The following RBM5 variants were observed in gnomAD, a reference collection of about 807,000 sequenced individuals.
RBM5 encodes the protein RNA-binding protein 5.
In RBM5, 15 loss-of-function variants were observed where a neutral mutation model predicts 124.6. The ratio of observed to expected loss-of-function variants is 0.12; its 90% CI spans 0.08 to 0.19. The LOEUF is 0.19. Ranked by LOEUF, RBM5 falls within the 10% of genes least tolerant of loss-of-function variation. The pLI is 1.00. For missense variants in RBM5, 580 were observed against 1,026.5 expected, an observed-to-expected ratio of 0.57 and a Z score of 5.94; for synonymous variants, 337 against 361.2, an observed-to-expected ratio of 0.93 and a Z score of 0.76.
intron 4 of RBM5, among the ~76,000 whole-genome samples, chr3:50,098,450 A>T (rs1316081660): frequency 2.7e-5 from 4 of 150,110 alleles, no homozygotes; most frequent in Non-Finnish European, 5.9e-5. Context: ...ATTTTATTTT[A>T]TTATTTTTTT....
chr3:50,095,079 T>A (rs1470950524), intron 4 of RBM5, among the ~76,000 whole-genome samples: 1 of 152,124 alleles, frequency 6.6e-6, no homozygotes. Context: ...ATACCTGTAG[T>A]CCCAGCTACT....
chr3:50,109,257 T>C (rs891551466), intron 14 of RBM5, among the ~76,000 whole-genome samples: 1 of 152,176 alleles, frequency 6.6e-6, no homozygotes, highest in African/African-American at 2.4e-5. Flanking sequence ...GTATTTTTAG[T>C]AGAGACGGGG....
In RBM5 at chr3:50,103,260, T is replaced by C. The variant is rs142197768; in HGVS notation, c.567+94T>C. 12 of 1,017,938 alleles carry C rather than the reference T, an allele frequency of 1.2e-5. No individual in the cohort carries two copies. The East Asian group carries it at 2.9e-4, about 24-fold the overall frequency. The allele number at this position is 1,017,938 out of a possible 1,614,324, so 63.1% of individuals were successfully genotyped here. A position where few individuals can be genotyped will look rare whatever the true frequency, so the allele number is the denominator to read the frequency against. On this transcript the variant is annotated intron_variant, in intron 7 of 24. Transcript: ENST00000347869. Reference sequence around the variant, plus strand: ...TTTGACTGTCCAAACAAGGAAATTGTTACTCAATCATCAGTAATATTCATG... The same window carrying C: ...TTTGACTGTCCAAACAAGGAAATTGCTACTCAATCATCAGTAATATTCATG...
In RBM5 at chr3:50,110,626, A is replaced by G. The variant is rs1575329924; in HGVS notation, c.1364-53A>G. 40 of 1,539,252 alleles carry G rather than the reference A, an allele frequency of 2.6e-5. No homozygotes were observed. The highest frequency in any genetic ancestry group is 6.8e-5 in the South Asian group (6 of 88,318). On this transcript the variant is annotated intron_variant, in intron 16 of 24. Transcript: ENST00000347869. ...GCATCTCACTGGCTTAGAATTTGAA[A>G]TAAAGCCAATTTCTTACCTGGAATG... is the stretch of plus-strand genomic sequence containing the variant.
At position 50,100,018 on chromosome 3, in the gene RBM5, C is replaced by G. The variant is rs1291542687; in HGVS notation, c.376C>G (p.Pro126Ala). The change falls in exon 5 of 25, where the codon CCT (proline) becomes GCT (alanine). Residue 126 changes from proline to alanine, a missense_variant. Pro to Ala is a conservative substitution (Grantham distance 27). Coordinates refer to ENST00000347869, the MANE Select transcript of RBM5 (RefSeq NM_005778.4). This position sits in a 1 kb window ranked among gnomAD's most constrained non-coding sequence, Gnocchi z 5.1. ...EMMESFEGPQ[P>A]ADVRLMKRKT... The stretch of plus-strand genomic sequence containing the variant: ...GATGGAGTCCTTCGAAGGCCCTCAG[C>G]CTGCGGATGTGAGGCTGATGAAGAG... The G allele has an allele frequency of 6.2e-7, 1 of 1,613,976 alleles. No individual in the cohort carries two copies. Among genetic ancestry groups the G allele is most frequent in the Non-Finnish European group, 8.5e-7 (1 of 1,179,968 alleles).
At chr3:50,118,221 T>C in intron 24 of RBM5, 110 bp from the exon 25 acceptor site, 1 of 1,428,196 alleles carries the variant, frequency 7.0e-7, no homozygotes, top group South Asian at 1.3e-5. Context: ...TATACAGTTT[T>C]CTCTCTTCTG....
rs1405040710 is a variant in RBM5 at position 50,100,677 on chromosome 3, AG to A, written c.483+74del. 1.5e-6 allele frequency: 2 copies of A among 1,319,624 alleles called. No individual in the cohort carries two copies. The highest frequency in any genetic ancestry group is 2.9e-5 in the African/African-American group (2 of 68,408). The allele number at this position is 1,319,624 out of a possible 1,614,324, so 81.7% of individuals were successfully genotyped here. A position where few individuals can be genotyped will look rare whatever the true frequency, so the allele number is the denominator to read the frequency against. ...CTGTACAATTTTAAAAAAAGGTTGA[AG>A]GAGTGGTTTGTTCCAAAGGAGTGAC... On this transcript the variant is annotated intron_variant, in intron 6 of 24. Transcript: ENST00000347869. The surrounding 1 kb of genome is among the most constrained non-coding windows in gnomAD (Gnocchi z 5.1).
In RBM5 at chr3:50,093,765, C is replaced by T; in HGVS notation, c.229C>T (p.His77Tyr). The change falls in exon 4 of 25, where the codon CAT (histidine) becomes TAT (tyrosine). Residue 77 changes from histidine (H) to tyrosine (Y), a missense_variant. Physicochemically the swap from His to Tyr is moderately conservative, Grantham distance 83. This residue lies in a region of RBM5 where 99 missense variants were observed against 121.1 expected (regional missense o/e 0.82). Coordinates refer to ENST00000347869, the MANE Select transcript of RBM5 (RefSeq NM_005778.4). ...CAGTGACCGATCCGAAGATGGCTACCATTCAGATGGTGACTATGGTGAGCA... is the reference window on the plus strand; with the variant it reads ...CAGTGACCGATCCGAAGATGGCTACTATTCAGATGGTGACTATGGTGAGCA... Reference protein sequence around the residue: ...RNSDRSEDGYHSDGDYGEHDY... With the variant: ...RNSDRSEDGYYSDGDYGEHDY... The T allele has an allele frequency of 6.2e-7, 1 of 1,613,952 alleles. No individual in the cohort carries two copies. Among genetic ancestry groups the T allele is most frequent in the Non-Finnish European group, 8.5e-7 (1 of 1,179,866 alleles).
chr3:50,093,951 G>T, intron 4 of RBM5, 76 bp downstream of exon 4: 5 of 1,504,244 alleles, frequency 3.3e-6, no homozygotes. Context: ...ATTTTCTCAT[G>T]CTATTGTTTT....
At chr3:50,116,119 T>C in intron 22 of RBM5, 139 bp downstream of exon 22, 5 of 793,164 alleles carry the variant, frequency 6.3e-6, no homozygotes, top group South Asian at 3.2e-5. Context: ...TTGTAGTTCA[T>C]GTAGCCTAGA....
intron 15 of RBM5, 119 bp from the exon 16 acceptor site, chr3:50,110,260 T>A: frequency 1.2e-6 from 1 of 826,258 alleles, no homozygotes; most frequent in Non-Finnish European, 1.9e-6. Context: ...AGGGATTGCC[T>A]TAGATTATTG....
In RBM5 at chr3:50,118,383, G is replaced by A; in HGVS notation, c.2375G>A (p.Gly792Asp). The A allele has an allele frequency of 1.9e-6, 3 of 1,614,108 alleles. No homozygotes were observed. The highest frequency in any genetic ancestry group is 2.5e-6 in the Non-Finnish European group (3 of 1,180,024). Reference protein sequence around the residue: ...AGLGAKGSAYGLSGADSYKDA... With the variant: ...AGLGAKGSAYDLSGADSYKDA... ...CTAGGAGCCAAAGGCAGCGCATATG[G>A]TTTGTCGGGCGCCGATTCCTACAAA... The change falls in exon 25 of 25, where the codon GGT (glycine) becomes GAT (aspartate). Residue 792 changes from glycine (G) to aspartate (D), a missense_variant. Coordinates refer to ENST00000347869, the MANE Select transcript of RBM5 (RefSeq NM_005778.4).
rs779270047 is a variant in RBM5, at chr3:50,114,169, C to T, written c.1768-11C>T. On this transcript the variant is annotated splice_polypyrimidine_tract_variant and intron_variant, in intron 19 of 24. Coordinates refer to ENST00000347869, the MANE Select transcript of RBM5 (RefSeq NM_005778.4). ...AAACTTGAGTCTCATGGCTTGTCCT[C>T]TGTTTCCCAGGGAGCCTTAGCTGAA... 2 of 1,614,080 alleles carry T rather than the reference C, an allele frequency of 1.2e-6. No homozygotes were observed. The highest frequency in any genetic ancestry group is 3.3e-5 in the Admixed American group (2 of 59,980).
At chr3:50,104,016 C>T (rs904852633) in intron 7 of RBM5, among the ~76,000 whole-genome samples, 4 of 152,168 alleles carry the variant, frequency 2.6e-5, no homozygotes, top group South Asian at 2.1e-4. Context: ...ACCCTTTCCT[C>T]GGCTTGATAA....
At position 50,105,826 on chromosome 3, in the gene RBM5, A is replaced by G. The variant is rs1017659038; in HGVS notation, c.855+117A>G. ...AAAGCCCAAGATGCAAGGCTCCCTAATGACAGTTTTTGCACTGCTAAATTA... is the reference window on the plus strand; with the variant it reads ...AAAGCCCAAGATGCAAGGCTCCCTAGTGACAGTTTTTGCACTGCTAAATTA... On this transcript the variant is annotated intron_variant, in intron 10 of 24. Coordinates refer to ENST00000347869, the MANE Select transcript of RBM5 (RefSeq NM_005778.4). 4 of 1,149,290 alleles carry G rather than the reference A, an allele frequency of 3.5e-6. No homozygotes were observed. In the African/African-American group the frequency reaches 4.7e-5, roughly 13 times the overall value. 71.2% of individuals were successfully genotyped at this position (1,149,290 alleles called of 1,614,324 possible).
rs61297967 is a variant in RBM5, at chr3:50,106,118, ATTTTTTTTTTTTTTTTTTT to A, written c.855+425_855+443del. 3.8e-3 allele frequency among the ~76,000 whole-genome samples: 123 copies of A among 32,764 alleles called. 2 individuals are homozygous for A. The highest frequency in any genetic ancestry group is 3.7e-3 in the Non-Finnish European group (62 of 16,782). 21.5% of individuals were successfully genotyped at this position (32,764 alleles called of 152,430 possible). On this transcript the variant is annotated intron_variant, in intron 10 of 24. Coordinates refer to ENST00000347869, the MANE Select transcript of RBM5 (RefSeq NM_005778.4). ...CAGGTGCCCGCCACCACGCCCAGCT[ATTTTTTTTTTTTTTTTTTT>A]TTTTTTTTTTTTTTTGAGAGGGAGT...
chr3:50,095,314 A>G (rs1020802572), intron 4 of RBM5, among the ~76,000 whole-genome samples: 2 of 152,224 alleles, frequency 1.3e-5, no homozygotes, highest in Non-Finnish European at 2.9e-5. Context: ...CTCCTAGAAG[A>G]TAATCAATAT....
At position 50,109,655 on chromosome 3, in the gene RBM5, G is replaced by C; in HGVS notation, c.1245G>C (p.Leu415=). Residue 415 remains leucine (L), a synonymous_variant, in exon 15 of 25, where the codon CTG becomes CTC. Transcript: ENST00000347869. The part of the protein sequence containing the change: ...SAAVVSQSPQ[L]YNQTSNPPGS... ...CTGTAGTGTCCCAGAGTCCTCAGCTGTATAATCAAACCTCCAATCCACCTG... is the reference window on the plus strand; with the variant it reads ...CTGTAGTGTCCCAGAGTCCTCAGCTCTATAATCAAACCTCCAATCCACCTG... The C allele has an allele frequency of 6.2e-7, 1 of 1,614,000 alleles. No individual in the cohort carries two copies. Among genetic ancestry groups the C allele is most frequent in the Non-Finnish European group, 8.5e-7 (1 of 1,179,922 alleles).
rs2091276262 is a variant in RBM5, at chr3:50,117,457, G to T, written c.2322+78G>T. The T allele has an allele frequency of 6.3e-7, 1 of 1,575,464 alleles. No individual in the cohort carries two copies. Among genetic ancestry groups the T allele is most frequent in the South Asian group, 1.1e-5 (1 of 87,200 alleles). ...GAGATGAGATCAGAGCACTCATAGA[G>T]CCTGGGAGCCAGGAGCAGCTTTACC... On this transcript the variant is annotated intron_variant, in intron 24 of 24. Coordinates refer to ENST00000347869, the MANE Select transcript of RBM5 (RefSeq NM_005778.4). The surrounding 1 kb of genome is among the most constrained non-coding windows in gnomAD (Gnocchi z 4.2).
Sources: gnomAD v4.1 joint callset for allele counts (sites outside exome capture counted in the v4.1 genomes callset) on GRCh38, gnomAD v4.1.1 for gene constraint, gnomAD v4.1.1 regional missense constraint, Gnocchi (gnomAD v3.1) non-coding constraint, MANE v1.5 for transcripts, NCBI Gene and HGNC (gene_info 2026-07-23, HGNC 2026-07-21) for gene names.